Variants in HS3ST5 observed in about 807,000 individuals in gnomAD.
The protein encoded by HS3ST5 is heparan sulfate-glucosamine 3-sulfotransferase 5.
A neutral mutation model predicts 25.4 loss-of-function variants in HS3ST5; 10 were observed. The ratio of observed to expected loss-of-function variants is 0.39; its 90% CI spans 0.24 to 0.67. HS3ST5 has a LOEUF of 0.67. Among genes scored for constraint, HS3ST5 ranks in the 30% least tolerant of loss-of-function variants. The pLI, the probability that HS3ST5 is intolerant of heterozygous loss-of-function variation, is 0.44. For synonymous variants in HS3ST5, 170 were observed against 162.4 expected, an observed-to-expected ratio of 1.05 and a Z score of -0.36; for missense variants, 324 against 420.7, an observed-to-expected ratio of 0.77 and a Z score of 2.01.
At chr6:114,167,302 G>A (rs1342993357) in intron 3 of HS3ST5, among the ~76,000 whole-genome samples, 2 of 152,156 alleles carry the variant, frequency 1.3e-5, no homozygotes, top group African/African-American at 4.8e-5. Context: ...GGGACACAGT[G>A]TTCCTGTTTT....
At chr6:114,203,986 T>C (rs1254644581) in intron 2 of HS3ST5, among the ~76,000 whole-genome samples, 1 of 152,074 alleles carries the variant, frequency 6.6e-6, no homozygotes, top group East Asian at 1.9e-4. Context: ...AACCACAGAG[T>C]GATTCCCTAC....
chr6:114,096,246 G>A (rs1775418219), intron 3 of HS3ST5, among the ~76,000 whole-genome samples: 1 of 152,234 alleles, frequency 6.6e-6, no homozygotes, highest in East Asian at 1.9e-4. Context: ...ATAAACTAGT[G>A]TAATGTTAAA....
intron 3 of HS3ST5, among the ~76,000 whole-genome samples, chr6:114,096,305 T>G (rs1775421964): frequency 6.6e-6 from 1 of 152,154 alleles, no homozygotes; most frequent in Non-Finnish European, 1.5e-5. Context: ...GCATCTTAGG[T>G]ATCATTTTGT....
intron 1 of HS3ST5, among the ~76,000 whole-genome samples, chr6:114,263,618 A>G (rs1367750273): frequency 2.0e-5 from 3 of 152,346 alleles, no homozygotes. Flanking sequence ...AAAACAAAAC[A>G]CGAAGCTTGC....
intron 4 of HS3ST5, among the ~76,000 whole-genome samples, chr6:114,062,360 C>T (rs1773166737): frequency 6.6e-6 from 1 of 152,092 alleles, no homozygotes; most frequent in African/African-American, 2.4e-5. Flanking sequence ...CATTAAGTGT[C>T]CACTCATAAA....
At chr6:114,089,793 T>C (rs964259131) in intron 3 of HS3ST5, among the ~76,000 whole-genome samples, 2 of 152,220 alleles carry the variant, frequency 1.3e-5, no homozygotes, top group African/African-American at 4.8e-5. Flanking sequence ...GGAGAAGCCG[T>C]TGGGCAATCT....
Position 114,287,312 on chromosome 6 carries a change from G to A in HS3ST5, c.-339+54883C>T, listed in dbSNP as rs1031401422. On this transcript the variant is annotated intron_variant, in intron 1 of 4. Coordinates refer to ENST00000312719, the MANE Select transcript of HS3ST5 (RefSeq NM_153612.4). ...CAAACCCTATCATTGTCTCCATTTCGCAAATGAGGAAATTAGGGCCCAGAA... is the reference window on the plus strand; with the variant it reads ...CAAACCCTATCATTGTCTCCATTTCACAAATGAGGAAATTAGGGCCCAGAA... Among the ~76,000 whole-genome samples, 6 of 151,428 alleles carry A rather than the reference G, an allele frequency of 4.0e-5. No homozygotes were observed. The East Asian group carries it at 9.7e-4, about 25-fold the overall frequency.
At position 114,308,862 on chromosome 6, in the gene HS3ST5, C is replaced by G. The variant is rs551052967; in HGVS notation, c.-339+33333G>C. Among the ~76,000 whole-genome samples the G allele has an allele frequency of 1.4e-4, 22 of 152,272 alleles. 1 individual carries two copies. The highest frequency in any genetic ancestry group is 3.1e-4 in the Non-Finnish European group (21 of 68,024). The stretch of plus-strand genomic sequence containing the variant: ...ATGCCCATAGAAACATTTCTCCTCC[C>G]AAGTTGGTGAGACACAGTTGTCCTT... On this transcript the variant is annotated intron_variant, in intron 1 of 4. Transcript: ENST00000312719.
intron 1 of HS3ST5, among the ~76,000 whole-genome samples, chr6:114,269,684 CA>C (rs1773555681): frequency 1.3e-5 from 2 of 152,204 alleles, no homozygotes; most frequent in East Asian, 3.9e-4. Flanking sequence ...TACAAGAGTC[CA>C]TTTGGCTATG....
chr6:114,167,240 T>A (rs924485383), intron 3 of HS3ST5, among the ~76,000 whole-genome samples: 1 of 152,242 alleles, frequency 6.6e-6, no homozygotes, highest in East Asian at 1.9e-4. Context: ...AGCCTAGGGT[T>A]TAAGACCAGA....
chr6:114,057,325 G>T lies in HS3ST5; in HGVS notation c.973C>A (p.Arg325Ser), dbSNP rs374141405. The change falls in exon 5 of 5, where the codon CGC becomes AGC. Residue 325 changes from arginine (R) to serine (S), a missense_variant. Coordinates refer to ENST00000312719, the MANE Select transcript of HS3ST5 (RefSeq NM_153612.4). The part of the protein sequence containing the change: ...EVDPSVITKL[R>S]KFFHPFNQKF... ...TGATTAAAAGGATGAAAGAATTTGC[G>T]CAATTTAGTAATGACAGAGGGGTCC... is the stretch of plus-strand genomic sequence containing the variant. The T allele has an allele frequency of 3.1e-6, 5 of 1,613,836 alleles. No individual in the cohort carries two copies. Among genetic ancestry groups the T allele is most frequent in the Non-Finnish European group, 2.5e-6 (3 of 1,179,990 alleles).
chr6:114,326,556 A>G (rs1246412370), intron 1 of HS3ST5, among the ~76,000 whole-genome samples: 2 of 152,204 alleles, frequency 1.3e-5, no homozygotes, highest in African/African-American at 4.8e-5. Context: ...GAGCAGTTGC[A>G]TAGTAGAGTT....
intron 1 of HS3ST5, among the ~76,000 whole-genome samples, chr6:114,240,391 A>G (rs1048920372): frequency 1.3e-5 from 2 of 152,194 alleles, no homozygotes; most frequent in Non-Finnish European, 2.9e-5. Flanking sequence ...AAATATCTCA[A>G]TGAAATGAAA....
At chr6:114,260,493 T>A (rs977375800) in intron 1 of HS3ST5, among the ~76,000 whole-genome samples, 3 of 152,182 alleles carry the variant, frequency 2.0e-5, no homozygotes, top group Admixed American at 6.6e-5. Flanking sequence ...ATATTTATAA[T>A]CAATATAAAA....
In HS3ST5 at chr6:114,259,454, G is replaced by A. The variant is rs181100166; in HGVS notation, c.-338-30676C>T. 2.8e-3 allele frequency among the ~76,000 whole-genome samples: 421 copies of A among 152,116 alleles called. 1 individual carries two copies. The highest frequency in any genetic ancestry group is 4.0e-3 in the Admixed American group (61 of 15,280). ...AATACATAACACAGGGCTATCTCTCGCTGTTTGGTGTCTCCACAGATCATC... is the reference window on the plus strand; with the variant it reads ...AATACATAACACAGGGCTATCTCTCACTGTTTGGTGTCTCCACAGATCATC... On this transcript the variant is annotated intron_variant, in intron 1 of 4. Coordinates refer to ENST00000312719, the MANE Select transcript of HS3ST5 (RefSeq NM_153612.4).
intron 1 of HS3ST5, among the ~76,000 whole-genome samples, chr6:114,322,326 C>A (rs540591129): frequency 6.6e-6 from 1 of 152,080 alleles, no homozygotes; most frequent in Non-Finnish European, 1.5e-5. Context: ...AGTAGCTTAA[C>A]CTTAGTTTTA....
At chr6:114,306,370 C>A (rs1250237298) in intron 1 of HS3ST5, among the ~76,000 whole-genome samples, 1 of 149,404 alleles carries the variant, frequency 6.7e-6, no homozygotes, top group East Asian at 1.9e-4. Flanking sequence ...TTAGTAAAAT[C>A]ATTTACATAT....
chr6:114,195,314 T>C (rs1017718573), intron 2 of HS3ST5, among the ~76,000 whole-genome samples: 2 of 152,070 alleles, frequency 1.3e-5, no homozygotes, highest in Non-Finnish European at 2.9e-5. Flanking sequence ...ATAAATCCTG[T>C]ATGCTGGAGA....
intron 3 of HS3ST5, among the ~76,000 whole-genome samples, chr6:114,152,053 C>T (rs998825422): frequency 4.6e-5 from 7 of 151,994 alleles, no homozygotes; most frequent in African/African-American, 1.7e-4. Context: ...GCCTCAGCCT[C>T]CTGGGTAGCT....
Sources: allele counts gnomAD v4.1 joint callset (sites outside exome capture counted in the v4.1 genomes callset), GRCh38; gene constraint gnomAD v4.1.1; transcripts MANE v1.5; gene names NCBI Gene and HGNC (gene_info 2026-07-23, HGNC 2026-07-21).